GDF6: variants seen among roughly 807,000 people sequenced by gnomAD.
GDF6 encodes the protein growth/differentiation factor 6.
Under a neutral mutation model 32.4 loss-of-function variants are expected in GDF6, and 3 were observed. The ratio of observed to expected loss-of-function variants is 0.09; its 90% confidence interval spans 0.04 to 0.24. The LOEUF is 0.24. GDF6 is among the 10% of genes least tolerant of loss of function. The pLI is 1.00. For synonymous variants in GDF6, 296 were observed against 295.3 expected (o/e 1.00, Z -0.03); for missense variants, 589 against 637.9 (o/e 0.92, Z 0.83).
chr8:96,152,483 C>T (rs1263073081), intron 1 of GDF6, among the ~76,000 whole-genome samples: 23 of 152,190 alleles, frequency 1.5e-4, no homozygotes, highest in Non-Finnish European at 4.4e-5. Flanking sequence ...CACGATCTGA[C>T]CACAGGGCCA....
rs115887213 is a variant in GDF6 at position 96,144,419 on chromosome 8, C to T, written c.*144G>A. 6,518 of 940,194 alleles carry T rather than the reference C, an allele frequency of 6.9e-3. 280 individuals carry two copies. In the African/African-American group the frequency reaches 0.092, roughly 13 times the overall value. 58.2% of individuals were successfully genotyped at this position (940,194 alleles called of 1,614,324 possible). A position where few individuals can be genotyped will look rare whatever the true frequency, so the allele number is the denominator to read the frequency against. ...GAAGGCTGCGCTCCCTTCTCTCCCA[C>T]CGGCTCTCACATCCAGGCTGTTCCC... On this transcript the variant is annotated 3_prime_UTR_variant, in exon 2 of 2. Transcript: ENST00000287020. This position sits in a 1 kb window ranked among gnomAD's most constrained non-coding sequence, Gnocchi z 5.1.
Position 96,144,280 on chromosome 8 carries a change from GAGAGAGAGA to G in GDF6, c.*274_*282del. 2.1e-6 allele frequency: 1 copy of G among 482,358 alleles called. No homozygotes were observed. Among genetic ancestry groups the G allele is most frequent in the African/African-American group, 2.2e-5 (1 of 45,390 alleles). 29.9% of individuals were successfully genotyped at this position (482,358 alleles called of 1,614,324 possible). A position where few individuals can be genotyped will look rare whatever the true frequency, so the allele number is the denominator to read the frequency against. On this transcript the variant is annotated 3_prime_UTR_variant, in exon 2 of 2. Transcript: ENST00000287020. This position sits in a 1 kb window ranked among gnomAD's most constrained non-coding sequence, Gnocchi z 5.1. ...AGAGAGAGAGAGAGAGAGAGAGAGA[GAGAGAGAGA>G]GAAAACAGAACAAAAGAAATCCTCC... is the stretch of plus-strand genomic sequence containing the variant.
Position 96,145,582 on chromosome 8 carries a change from C to A in GDF6, c.407-58G>T. Reference sequence around the variant, plus strand: ...ACTTAAGGGGGAGATCAGCCCGGTGCTCTTCGGCCGCCCCGGGAGGAAAAG... The same window carrying A: ...ACTTAAGGGGGAGATCAGCCCGGTGATCTTCGGCCGCCCCGGGAGGAAAAG... On this transcript the variant is annotated intron_variant, in intron 1 of 1. Transcript: ENST00000287020. The surrounding 1 kb of genome is among the most constrained non-coding windows in gnomAD (Gnocchi z 5.6). 1 of 1,593,706 alleles carries A rather than the reference C, an allele frequency of 6.3e-7. No individual in the cohort carries two copies. The highest frequency in any genetic ancestry group is 8.5e-7 in the Non-Finnish European group (1 of 1,177,530).
At chr8:96,155,440 T>G (rs1345101064) in intron 1 of GDF6, among the ~76,000 whole-genome samples, 1 of 152,258 alleles carries the variant, frequency 6.6e-6, no homozygotes, top group African/African-American at 2.4e-5. Flanking sequence ...GCCTTACTTA[T>G]TCGAACCAGA....
chr8:96,157,707 G>A (rs541590347), intron 1 of GDF6, among the ~76,000 whole-genome samples: 1 of 152,324 alleles, frequency 6.6e-6, no homozygotes, highest in East Asian at 1.9e-4. Flanking sequence ...GTCCTTGCCA[G>A]GAGCCGGGGA....
intron 1 of GDF6, among the ~76,000 whole-genome samples, chr8:96,155,446 C>A (rs1288937578): frequency 6.6e-6 from 1 of 152,224 alleles, no homozygotes; most frequent in African/African-American, 2.4e-5. Flanking sequence ...CTTATTCGAA[C>A]CAGAAGAGCA....
rs751270663 is a variant in GDF6, at chr8:96,160,274, C to G, written c.406+13G>C. ...CAGCGGGAGGGGAGTCGAGCGTTTT[C>G]TTTGCCACTTACCTAGTCCCCTGTC... is the stretch of plus-strand genomic sequence containing the variant. On this transcript the variant is annotated intron_variant, in intron 1 of 1. Transcript: ENST00000287020. 3 of 1,614,204 alleles carry G rather than the reference C, an allele frequency of 1.9e-6. No individual in the cohort carries two copies. In the Admixed American group the frequency reaches 5.0e-5, roughly 27 times the overall value.
chr8:96,159,400 A>G (rs1445688222), intron 1 of GDF6, among the ~76,000 whole-genome samples: 1 of 152,144 alleles, frequency 6.6e-6, no homozygotes, highest in Non-Finnish European at 1.5e-5. Context: ...GGTGGCAAGA[A>G]GGGGCCGCAA....
At chr8:96,156,490 T>C (rs1434594137) in intron 1 of GDF6, among the ~76,000 whole-genome samples, 1 of 152,016 alleles carries the variant, frequency 6.6e-6, no homozygotes, top group African/African-American at 2.4e-5. Context: ...GAACTAATTG[T>C]CTGGCTTTCC....
At position 96,144,291 on chromosome 8, in the gene GDF6, A is replaced by AGAGAG. The variant is rs1554571161; in HGVS notation, c.*271_*272insCTCTC. The stretch of plus-strand genomic sequence containing the variant: ...GAGAGAGAGAGAGAGAGAGAGAGAG[A>AGAGAG]AAACAGAACAAAAGAAATCCTCCTT... On this transcript the variant is annotated 3_prime_UTR_variant, in exon 2 of 2. Transcript: ENST00000287020. This position sits in a 1 kb window ranked among gnomAD's most constrained non-coding sequence, Gnocchi z 5.1. 3.7e-3 allele frequency: 1,814 copies of AGAGAG among 486,678 alleles called. 64 individuals carry two copies. Among genetic ancestry groups the AGAGAG allele is most frequent in the African/African-American group, 0.031 (1,259 of 41,144 alleles). The allele number at this position is 486,678 out of a possible 1,614,324, so 30.1% of individuals were successfully genotyped here. A position where few individuals can be genotyped will look rare whatever the true frequency, so the allele number is the denominator to read the frequency against.
Position 96,145,229 on chromosome 8 carries a change from C to G in GDF6, c.702G>C (p.Arg234=). Residue 234 remains arginine, a synonymous_variant, in exon 2 of 2, where the codon CGG becomes CGC. Transcript: ENST00000287020. This position sits in a 1 kb window ranked among gnomAD's most constrained non-coding sequence, Gnocchi z 5.6. Reference sequence around the variant, plus strand: ...CGGCGTCCAGCTCGCCCCATGCGGCCCGCAGCTCCAAGCACAGCTGCTTCC... The same window carrying G: ...CGGCGTCCAGCTCGCCCCATGCGGCGCGCAGCTCCAAGCACAGCTGCTTCC... The part of the protein sequence containing the change: ...QPWKQLCLEL[R]AAWGELDAGE... The G allele has an allele frequency of 1.3e-6, 2 of 1,515,766 alleles. No homozygotes were observed. Among genetic ancestry groups the G allele is most frequent in the Non-Finnish European group, 1.8e-6 (2 of 1,139,148 alleles). 93.9% of individuals were successfully genotyped at this position (1,515,766 alleles called of 1,614,324 possible). A position where few individuals can be genotyped will look rare whatever the true frequency, so the allele number is the denominator to read the frequency against.
At chr8:96,158,973 G>A (rs1033822081) in intron 1 of GDF6, among the ~76,000 whole-genome samples, 18 of 152,130 alleles carry the variant, frequency 1.2e-4, no homozygotes, top group African/African-American at 3.9e-4. Context: ...GACTGGAGCC[G>A]GGGAAGAGCT....
At chr8:96,159,020 A>C (rs1346271189) in intron 1 of GDF6, among the ~76,000 whole-genome samples, 3 of 151,972 alleles carry the variant, frequency 2.0e-5, no homozygotes, top group African/African-American at 7.3e-5. Flanking sequence ...GCCTGCTCTA[A>C]AAAGCTTAAG....
intron 1 of GDF6, among the ~76,000 whole-genome samples, chr8:96,152,063 C>T (rs113918776): frequency 6.6e-6 from 1 of 152,202 alleles, no homozygotes; most frequent in Non-Finnish European, 1.5e-5. Context: ...AAATCCAGTT[C>T]TCTGGACTTC....
Position 96,145,033 on chromosome 8 carries a change from C to A in GDF6, c.898G>T (p.Ala300Ser). Residue 300 changes from alanine (A) to serine (S), a missense_variant, in exon 2 of 2, where the codon GCC (alanine) becomes TCC (serine). This residue lies in a region of GDF6 where 436 missense variants were observed against 411.2 expected (regional missense o/e 1.06). Coordinates refer to ENST00000287020, the MANE Select transcript of GDF6 (RefSeq NM_001001557.4). The surrounding 1 kb of genome is among the most constrained non-coding windows in gnomAD (Gnocchi z 5.6). ...CCCGCGCCCGGGCCCGCAGCCTCGG[C>A]CGAGCCCAGCTGCTCGCGCATCTCT... Reference protein sequence around the residue: ...FAEMREQLGSAEAAGPGAGAE... With the variant: ...FAEMREQLGSSEAAGPGAGAE... The A allele has an allele frequency of 6.9e-7, 1 of 1,449,230 alleles. No individual in the cohort carries two copies. Among genetic ancestry groups the A allele is most frequent in the East Asian group, 2.9e-5 (1 of 34,140 alleles). 89.8% of individuals were successfully genotyped at this position (1,449,230 alleles called of 1,614,324 possible).
In GDF6 at chr8:96,144,481, C is replaced by T; in HGVS notation, c.*82G>A. The T allele has an allele frequency of 1.3e-6, 2 of 1,530,674 alleles. No homozygotes were observed. The highest frequency in any genetic ancestry group is 1.2e-5 in the South Asian group (1 of 82,736). 94.8% of individuals were successfully genotyped at this position (1,530,674 alleles called of 1,614,324 possible). On this transcript the variant is annotated 3_prime_UTR_variant, in exon 2 of 2. Coordinates refer to ENST00000287020, the MANE Select transcript of GDF6 (RefSeq NM_001001557.4). The surrounding 1 kb of genome is among the most constrained non-coding windows in gnomAD (Gnocchi z 5.1). ...CTCCCCCAGCGCCAGCTTCCTCCTC[C>T]GCCTCTCTGCAGCCAGGCCTCCCCT... is the stretch of plus-strand genomic sequence containing the variant.
At chr8:96,153,901 A>G (rs1812613614) in intron 1 of GDF6, among the ~76,000 whole-genome samples, 1 of 152,064 alleles carries the variant, frequency 6.6e-6, no homozygotes, top group Non-Finnish European at 1.5e-5. Context: ...TGCGGTGTTC[A>G]TTTAGGTCTG....
At chr8:96,154,278 C>A (rs1055409278) in intron 1 of GDF6, among the ~76,000 whole-genome samples, 8 of 152,044 alleles carry the variant, frequency 5.3e-5, no homozygotes, top group African/African-American at 1.7e-4. Context: ...CGCCGCCGCG[C>A]GCGCTTCCCT....
chr8:96,156,583 A>G (rs1361716554), intron 1 of GDF6, among the ~76,000 whole-genome samples: 1 of 152,216 alleles, frequency 6.6e-6, no homozygotes, highest in Non-Finnish European at 1.5e-5. Flanking sequence ...TAATTTCATC[A>G]TATCCAACCT....
Sources: gnomAD v4.1 joint callset for allele counts (sites outside exome capture counted in the v4.1 genomes callset) on GRCh38, gnomAD v4.1.1 for gene constraint, gnomAD v4.1.1 regional missense constraint, Gnocchi (gnomAD v3.1) non-coding constraint, MANE v1.5 for transcripts, NCBI Gene and HGNC (gene_info 2026-07-23, HGNC 2026-07-21) for gene names.